Variants in PRH1 observed in about 807,000 individuals in gnomAD.
PRH1 encodes the protein proline rich protein HaeIII subfamily 1, also known as salivary acidic proline-rich phosphoprotein 1/2.
Under a neutral mutation model 7.9 loss-of-function variants are expected in PRH1, and 7 were observed. The ratio of observed to expected loss-of-function variants is 0.89; its 90% CI spans 0.50 to 1.67. PRH1 has a LOEUF of 1.67. PRH1 is among the 40% of genes most tolerant of loss of function. PRH1 has a pLI of 0.00. For missense variants in PRH1, 109 were observed against 223.6 expected (o/e 0.49, Z 3.27); for synonymous variants, 45 against 80.8 (o/e 0.56, Z 2.38).
intron 2 of PRH1, chr12:10,909,696 G>A (rs1949866947): frequency 5.6e-6 from 1 of 177,352 alleles, no homozygotes; most frequent in Non-Finnish European, 1.2e-5. Flanking sequence ...ACCAGCTTGA[G>A]TTCTGAGGTA....
chr12:11,042,298 C>T (rs896312650), intron 1 of PRH1, among the ~76,000 whole-genome samples: 16 of 151,678 alleles, frequency 1.1e-4, no homozygotes, highest in Non-Finnish European at 2.1e-4. Context: ...ACTGATACAA[C>T]AGAAATTCAA....
At chr12:11,128,257 T>C (rs1946203691) in intron 1 of PRH1, among the ~76,000 whole-genome samples, 1 of 152,242 alleles carries the variant, frequency 6.6e-6, no homozygotes, top group South Asian at 2.1e-4. Flanking sequence ...TTATTTTTGA[T>C]TACTTATTGA....
chr12:10,992,223 C>T (rs566123191), intron 1 of PRH1, among the ~76,000 whole-genome samples: 1 of 152,216 alleles, frequency 6.6e-6, no homozygotes, highest in East Asian at 1.9e-4. Flanking sequence ...TCACTTGACC[C>T]TTTCTCAAGC....
chr12:11,169,680 G>C (rs1947754570), intron 1 of PRH1, among the ~76,000 whole-genome samples: 1 of 152,136 alleles, frequency 6.6e-6, no homozygotes, highest in African/African-American at 2.4e-5. Flanking sequence ...TAGTCTTTCA[G>C]TTTTCAAAGG....
chr12:11,006,480 T>TA (rs1385235326), intron 1 of PRH1, among the ~76,000 whole-genome samples: 1 of 151,386 alleles, frequency 6.6e-6, no homozygotes, highest in African/African-American at 2.4e-5. Context: ...ACACAAGTGA[T>TA]ACTCTTGCCT....
chr12:11,076,202 C>G (rs74808125), intron 1 of PRH1, among the ~76,000 whole-genome samples: 2,375 of 19,466 alleles, frequency 0.12, 1,003 homozygotes, highest in Non-Finnish European at 0.38. Context: ...CAAGGCTGTA[C>G]ATTTCCTTCT....
intron 1 of PRH1, among the ~76,000 whole-genome samples, chr12:10,975,752 A>G (rs1939062639): frequency 5.1e-5 from 4 of 79,016 alleles, no homozygotes; most frequent in African/African-American, 1.2e-4. Flanking sequence ...AAAAAATAGA[A>G]AAAAAAAAAC....
chr12:10,890,808 G>T (rs1949561443), intron 2 of PRH1, among the ~76,000 whole-genome samples: 1 of 151,518 alleles, frequency 6.6e-6, no homozygotes, highest in African/African-American at 2.4e-5. Context: ...GAAGGAAAGA[G>T]GAGGGGATGG....
chr12:10,932,222 T>A (rs1023030969), intron 2 of PRH1: 15 of 437,092 alleles, frequency 3.4e-5, no homozygotes, highest in Non-Finnish European at 7.1e-5. Context: ...CTTGTCTTTT[T>A]CAGGAAGTGA....
chr12:11,076,190 A>C (rs80251318), intron 1 of PRH1, among the ~76,000 whole-genome samples: 2,065 of 20,704 alleles, frequency 0.1, 847 homozygotes, highest in Non-Finnish European at 0.29. Context: ...TTAGCTGTTC[A>C]GCAAGGCTGT....
At chr12:10,963,127 C>A (rs1938332449) in intron 2 of PRH1, among the ~76,000 whole-genome samples, 1 of 141,916 alleles carries the variant, frequency 7.0e-6, no homozygotes, top group Non-Finnish European at 1.6e-5. Context: ...AATAAACAAA[C>A]AAATAACTAA....
chr12:11,151,330 G>A (rs1354175713), intron 1 of PRH1, among the ~76,000 whole-genome samples: 4 of 151,498 alleles, frequency 2.6e-5, no homozygotes, highest in Admixed American at 6.6e-5. Flanking sequence ...CTGCTCTCTC[G>A]GGATCTTGCT....
intron 1 of PRH1, among the ~76,000 whole-genome samples, chr12:11,128,556 C>A (rs575269018): frequency 6.6e-6 from 1 of 152,170 alleles, no homozygotes; most frequent in Non-Finnish European, 1.5e-5. Flanking sequence ...TCCAGCATGG[C>A]CAACATGGTG....
intron 1 of PRH1, chr12:10,986,447 T>A (rs149784278): frequency 3.7e-6 from 6 of 1,613,852 alleles, no homozygotes; most frequent in Admixed American, 1.7e-5. Flanking sequence ...AAACCAAAAA[T>A]ATCAAAGTCC....
chr12:11,027,300 G>A, intron 1 of PRH1, among the ~76,000 whole-genome samples: 1 of 148,102 alleles, frequency 6.8e-6, no homozygotes, highest in African/African-American at 2.5e-5. Context: ...TATATTACTT[G>A]GTACAATAAT....
intron 2 of PRH1, chr12:10,908,745 A>G (rs1366567504): frequency 2.5e-6 from 4 of 1,613,974 alleles, no homozygotes; most frequent in Non-Finnish European, 3.4e-6. Context: ...TAGACTGAAC[A>G]TAGTCATAGT....
chr12:10,932,208 C>A, intron 2 of PRH1: 1 of 435,740 alleles, frequency 2.3e-6, no homozygotes, highest in South Asian at 1.6e-5. Flanking sequence ...TGCCTATAAT[C>A]TTCCTTGTCT....
intron 1 of PRH1, among the ~76,000 whole-genome samples, chr12:11,058,665 C>G (rs1468886989): frequency 6.6e-6 from 1 of 152,280 alleles, no homozygotes; most frequent in Non-Finnish European, 1.5e-5. Context: ...GCCAAATGAT[C>G]CAGCAGAATT....
At position 11,096,360 on chromosome 12, in the gene PRH1, CT is replaced by C. The variant is rs1419853203; in HGVS notation, n.124-49173del. Among the ~76,000 whole-genome samples the C allele has an allele frequency of 8.7e-5, 10 of 114,604 alleles. 4 individuals carry two copies. Among genetic ancestry groups the C allele is most frequent in the Non-Finnish European group, 2.1e-4 (10 of 48,494 alleles). 75.2% of individuals were successfully genotyped at this position (114,604 alleles called of 152,430 possible). A position where few individuals can be genotyped will look rare whatever the true frequency, so the allele number is the denominator to read the frequency against. On this transcript the variant is annotated intron_variant and non_coding_transcript_variant, in intron 1 of 4. Transcript: ENST00000541977. ...TATTGGATTCTCAAAATTGATGACCCTTTTTTTTGTCTTATTGTTTTAGAGG... is the reference window on the plus strand; with the variant it reads ...TATTGGATTCTCAAAATTGATGACCCTTTTTTTGTCTTATTGTTTTAGAGG...
Sources: gnomAD v4.1 joint callset for allele counts (sites outside exome capture counted in the v4.1 genomes callset) on GRCh38, gnomAD v4.1.1 for gene constraint, MANE v1.5 for transcripts, NCBI Gene and HGNC (gene_info 2026-07-23, HGNC 2026-07-21) for gene names.